Variants in GRM5 observed in about 807,000 individuals in gnomAD.
GRM5 encodes glutamate metabotropic receptor 5, also known as metabotropic glutamate receptor 5.
GRM5 carries 19 observed loss-of-function variants against 83.1 expected under a neutral mutation model. That is an observed-to-expected ratio of 0.23 (90% CI 0.16 to 0.34). The LOEUF (loss-of-function observed/expected upper bound fraction) is 0.34, where lower values mean the gene tolerates loss of function less well. Ranked by LOEUF, GRM5 falls within the 10% of genes least tolerant of loss-of-function variation. GRM5 has a pLI of 1.00. For synonymous variants in GRM5, 675 were observed against 633.6 expected (o/e 1.07, Z -0.98); for missense variants, 1,160 against 1,588.3 (o/e 0.73, Z 4.58).
intron 3 of GRM5, among the ~76,000 whole-genome samples, chr11:88,767,685 G>T (rs553337962): frequency 6.6e-6 from 1 of 152,032 alleles, no homozygotes; most frequent in East Asian, 1.9e-4. Flanking sequence ...AGGGTGGATG[G>T]TAGGAGGAGG....
chr11:88,648,440 G>T (rs12791105), intron 4 of GRM5, among the ~76,000 whole-genome samples: 82,723 of 121,800 alleles, frequency 0.68, 32,898 homozygotes, highest in Non-Finnish European at 0.89. Context: ...ACTCATAGGT[G>T]GGAATTGAAC....
At chr11:88,580,398 C>T (rs964969023) in intron 7 of GRM5, among the ~76,000 whole-genome samples, 1 of 152,198 alleles carries the variant, frequency 6.6e-6, no homozygotes, top group African/African-American at 2.4e-5. Context: ...AGCTCTGGAG[C>T]ACTTCAGCAC....
chr11:88,626,916 A>C (rs914910963), intron 4 of GRM5, among the ~76,000 whole-genome samples: 3 of 152,142 alleles, frequency 2.0e-5, no homozygotes, highest in Non-Finnish European at 4.4e-5. Context: ...ATGAGGCTTC[A>C]CCAGAACCCA....
Position 88,567,706 on chromosome 11 carries a change from G to A in GRM5, c.1977C>T (p.Tyr659=), listed in dbSNP as rs1349399551. 1.9e-6 allele frequency: 3 copies of A among 1,614,016 alleles called. No individual in the cohort carries two copies. The highest frequency in any genetic ancestry group is 2.7e-5 in the African/African-American group (2 of 74,934). ...GGTTGGTCTTTGTTACAAGGGCTGA[G>A]TAGCTCATGGCTGGGGAGAGACCAA... ...IGIGLSPAMS[Y]SALVTKTNRI... is the part of the protein sequence containing the mutation. The change falls in exon 8 of 10, where the codon TAC becomes TAT. Residue 659 remains tyrosine (Y), a synonymous_variant. Transcript: ENST00000305447. This position sits in a 1 kb window ranked among gnomAD's most constrained non-coding sequence, Gnocchi z 7.3.
At chr11:88,987,443 G>A (rs1451244493) in intron 2 of GRM5, among the ~76,000 whole-genome samples, 15 of 151,736 alleles carry the variant, frequency 9.9e-5, no homozygotes, top group Admixed American at 5.9e-4. Context: ...AGGGGCGCCC[G>A]CCATTGCCCA....
chr11:88,913,563 C>T (rs1945537397), intron 2 of GRM5, among the ~76,000 whole-genome samples: 1 of 144,756 alleles, frequency 6.9e-6, no homozygotes, highest in African/African-American at 2.6e-5. Flanking sequence ...TCCATATCTT[C>T]TTTTTTTTTC....
chr11:88,575,150 T>A (rs1245655050), intron 7 of GRM5, among the ~76,000 whole-genome samples: 1 of 152,172 alleles, frequency 6.6e-6, no homozygotes, highest in Non-Finnish European at 1.5e-5. Context: ...TCCAAGGTGT[T>A]AAGCAAGTTT....
At chr11:88,575,980 A>G (rs1943101687) in intron 7 of GRM5, among the ~76,000 whole-genome samples, 1 of 152,164 alleles carries the variant, frequency 6.6e-6, no homozygotes, top group Non-Finnish European at 1.5e-5. Flanking sequence ...TTTTATAATT[A>G]AGACATAAAG....
chr11:88,609,068 T>C (rs1218272179), intron 4 of GRM5, among the ~76,000 whole-genome samples: 3 of 152,132 alleles, frequency 2.0e-5, no homozygotes, highest in Non-Finnish European at 2.9e-5. Flanking sequence ...TTGCTGAGGA[T>C]TGGTGTATAA....
At chr11:88,752,027 C>T (rs1459719262) in intron 3 of GRM5, among the ~76,000 whole-genome samples, 3 of 152,148 alleles carry the variant, frequency 2.0e-5, no homozygotes, top group Admixed American at 6.6e-5. Context: ...AAGCAGTTCC[C>T]TTTAAAACTG....
intron 2 of GRM5, among the ~76,000 whole-genome samples, chr11:89,024,721 G>A (rs1212942730): frequency 6.6e-6 from 1 of 152,082 alleles, no homozygotes; most frequent in African/African-American, 2.4e-5. Context: ...CAATTCTTAT[G>A]TGTATTACTG....
chr11:88,898,812 T>C, intron 2 of GRM5, among the ~76,000 whole-genome samples: 1 of 152,032 alleles, frequency 6.6e-6, no homozygotes, highest in East Asian at 1.9e-4. Flanking sequence ...TTGCTACTAC[T>C]TTGATATTAG....
intron 3 of GRM5, among the ~76,000 whole-genome samples, chr11:88,720,156 T>C (rs1168839461): frequency 6.6e-6 from 1 of 152,054 alleles, no homozygotes; most frequent in Admixed American, 6.6e-5. Flanking sequence ...AACAAATCCA[T>C]GTCACGTACA....
At chr11:88,914,585 G>A (rs1945558775) in intron 2 of GRM5, among the ~76,000 whole-genome samples, 1 of 152,174 alleles carries the variant, frequency 6.6e-6, no homozygotes, top group Non-Finnish European at 1.5e-5. Context: ...GGCAGTGGCA[G>A]CAGGTGGTAA....
intron 2 of GRM5, among the ~76,000 whole-genome samples, chr11:88,890,853 C>G (rs1945133396): frequency 6.6e-6 from 1 of 152,014 alleles, no homozygotes; most frequent in Non-Finnish European, 1.5e-5. Context: ...GTTAACAGTG[C>G]AGCATGTATT....
intron 2 of GRM5, among the ~76,000 whole-genome samples, chr11:88,914,582 G>C (rs1375858082): frequency 6.6e-6 from 1 of 152,144 alleles, no homozygotes; most frequent in East Asian, 1.9e-4. Flanking sequence ...TAAGGCAGTG[G>C]CAGCAGGTGG....
At chr11:89,050,881 A>G (rs1217531363) in intron 1 of GRM5, among the ~76,000 whole-genome samples, 1 of 152,278 alleles carries the variant, frequency 6.6e-6, no homozygotes, top group East Asian at 1.9e-4. Context: ...GCAGGTTCTC[A>G]CATGTAAATC....
At chr11:89,038,273 TCTC>T (rs1341171216) in intron 2 of GRM5, among the ~76,000 whole-genome samples, 1 of 152,120 alleles carries the variant, frequency 6.6e-6, no homozygotes, top group South Asian at 2.1e-4. Flanking sequence ...TGCCAAAACA[TCTC>T]CTCAATTCAA....
At chr11:88,890,055 G>A (rs1198167192) in intron 2 of GRM5, among the ~76,000 whole-genome samples, 2 of 152,108 alleles carry the variant, frequency 1.3e-5, no homozygotes, top group Non-Finnish European at 2.9e-5. Flanking sequence ...TTTAAGGGAT[G>A]GCAAATAGTA....
Sources: gnomAD v4.1 joint callset for allele counts (sites outside exome capture counted in the v4.1 genomes callset) on GRCh38, gnomAD v4.1.1 for gene constraint, Gnocchi (gnomAD v3.1) non-coding constraint, MANE v1.5 for transcripts, NCBI Gene and HGNC (gene_info 2026-07-23, HGNC 2026-07-21) for gene names.